COMMD10: variants seen among roughly 807,000 people sequenced by gnomAD.
COMMD10 encodes the protein COMM domain-containing protein 10.
Under a neutral mutation model 28.9 loss-of-function variants are expected in COMMD10, and 33 were observed. The observed-to-expected ratio is 1.14, with a 90% CI of 0.87 to 1.53. The LOEUF (loss-of-function observed/expected upper bound fraction) is 1.53, where lower values mean the gene tolerates loss of function less well. COMMD10 is among the 40% of genes most tolerant of loss of function. The pLI, the probability that COMMD10 is intolerant of heterozygous loss-of-function variation, is 0.00. For synonymous variants in COMMD10, 110 were observed against 81.7 expected, an observed-to-expected ratio of 1.35 and a Z score of -1.87; for missense variants, 310 against 233.4, an observed-to-expected ratio of 1.33 and a Z score of -2.14.
intron 5 of COMMD10, among the ~76,000 whole-genome samples, chr5:116,138,780 C>G (rs1752109891): frequency 6.6e-6 from 1 of 151,692 alleles, no homozygotes; most frequent in African/African-American, 2.4e-5. Context: ...TACTAGTTTT[C>G]TGACTTAGAG....
At chr5:116,191,784 A>T (rs567689860) in intron 5 of COMMD10, among the ~76,000 whole-genome samples, 2 of 152,088 alleles carry the variant, frequency 1.3e-5, no homozygotes, top group East Asian at 3.9e-4. Flanking sequence ...TCTCTGCACT[A>T]CTACAGCTGA....
intron 5 of COMMD10, among the ~76,000 whole-genome samples, chr5:116,191,267 C>A (rs554064198): frequency 7.9e-5 from 12 of 152,176 alleles, no homozygotes; most frequent in African/African-American, 2.9e-4. Context: ...AACTTTGTAA[C>A]AATTTGAATG....
At chr5:116,201,593 A>G (rs1162256066) in intron 5 of COMMD10, among the ~76,000 whole-genome samples, 1 of 152,102 alleles carries the variant, frequency 6.6e-6, no homozygotes, top group Non-Finnish European at 1.5e-5. Flanking sequence ...TATGGATCCG[A>G]GAAGAATCGT....
chr5:116,213,212 A>G (rs1301038173), intron 5 of COMMD10, among the ~76,000 whole-genome samples: 6 of 152,142 alleles, frequency 3.9e-5, no homozygotes, highest in African/African-American at 1.2e-4. Flanking sequence ...GAATATATTA[A>G]TGATTACTAC....
At chr5:116,089,363 C>T (rs1750223436) in intron 2 of COMMD10, among the ~76,000 whole-genome samples, 2 of 152,176 alleles carry the variant, frequency 1.3e-5, no homozygotes, top group Admixed American at 6.5e-5. Context: ...CCTTATTACA[C>T]GAAACCTCAG....
chr5:116,183,512 T>C (rs1193142659), intron 5 of COMMD10, among the ~76,000 whole-genome samples: 2 of 152,092 alleles, frequency 1.3e-5, no homozygotes, highest in Non-Finnish European at 2.9e-5. Flanking sequence ...CATATCCTTA[T>C]GAAAGTGAAT....
At chr5:116,167,135 C>T (rs577460488) in intron 5 of COMMD10, among the ~76,000 whole-genome samples, 1 of 151,582 alleles carries the variant, frequency 6.6e-6, no homozygotes, top group African/African-American at 2.4e-5. Flanking sequence ...ATTAAAATAA[C>T]CAGTTTAGAG....
intron 5 of COMMD10, among the ~76,000 whole-genome samples, chr5:116,229,906 C>T (rs978080725): frequency 6.6e-6 from 1 of 151,532 alleles, no homozygotes; most frequent in Non-Finnish European, 1.5e-5. Flanking sequence ...TTTTATTTAT[C>T]GTCCTTTATT....
intron 5 of COMMD10, among the ~76,000 whole-genome samples, chr5:116,258,818 C>T (rs1323640316): frequency 2.0e-5 from 3 of 151,548 alleles, no homozygotes; most frequent in African/African-American, 7.3e-5. Context: ...TCTGCCTCTC[C>T]CTGCACCTCT....
intron 5 of COMMD10, among the ~76,000 whole-genome samples, chr5:116,152,058 C>G (rs1324087632): frequency 1.3e-5 from 2 of 152,136 alleles, no homozygotes; most frequent in African/African-American, 2.4e-5. Flanking sequence ...TATGTTGTGT[C>G]TTTGTTCTCA....
At chr5:116,180,127 T>G (rs1246978842) in intron 5 of COMMD10, among the ~76,000 whole-genome samples, 1 of 152,100 alleles carries the variant, frequency 6.6e-6, no homozygotes, top group African/African-American at 2.4e-5. Context: ...AATACTGAAA[T>G]TTTTGAATTT....
chr5:116,155,308 T>C (rs1160395446), intron 5 of COMMD10, among the ~76,000 whole-genome samples: 1 of 152,090 alleles, frequency 6.6e-6, no homozygotes, highest in African/African-American at 2.4e-5. Flanking sequence ...ACTGATGACT[T>C]GGGTTGTTTG....
intron 4 of COMMD10, among the ~76,000 whole-genome samples, chr5:116,102,498 C>T (rs1191568842): frequency 6.6e-6 from 1 of 151,986 alleles, no homozygotes; most frequent in African/African-American, 2.4e-5. Context: ...GTAAGGCCTC[C>T]AGGTTTGTTC....
intron 5 of COMMD10, among the ~76,000 whole-genome samples, chr5:116,282,259 C>T (rs1470177692): frequency 6.6e-6 from 1 of 151,826 alleles, no homozygotes; most frequent in East Asian, 1.9e-4. Flanking sequence ...TCTCATCTAC[C>T]TCTAAACATT....
intron 4 of COMMD10, among the ~76,000 whole-genome samples, chr5:116,095,510 T>C (rs1462484602): frequency 2.6e-5 from 4 of 152,180 alleles, no homozygotes; most frequent in African/African-American, 9.7e-5. Flanking sequence ...TCAAGGAGCA[T>C]CTGTATATTC....
intron 5 of COMMD10, among the ~76,000 whole-genome samples, chr5:116,177,627 A>G (rs959367331): frequency 2.6e-5 from 4 of 151,654 alleles, no homozygotes; most frequent in African/African-American, 9.7e-5. Context: ...CATCCTAGGA[A>G]CTTTCTGTAT....
At chr5:116,096,007 T>C (rs1045504456) in intron 4 of COMMD10, among the ~76,000 whole-genome samples, 16 of 152,150 alleles carry the variant, frequency 1.1e-4, no homozygotes, top group Non-Finnish European at 2.4e-4. Context: ...TTAATTATTA[T>C]AGCTTAATAG....
At chr5:116,270,177 A>G (rs1269780203) in intron 5 of COMMD10, among the ~76,000 whole-genome samples, 1 of 151,788 alleles carries the variant, frequency 6.6e-6, no homozygotes, top group African/African-American at 2.4e-5. Flanking sequence ...AGGGAAGGAG[A>G]TGGGATGAAT....
At chr5:116,102,160 C>G (rs956161646) in intron 4 of COMMD10, among the ~76,000 whole-genome samples, 14 of 152,250 alleles carry the variant, frequency 9.2e-5, no homozygotes, top group Non-Finnish European at 1.3e-4. Context: ...AGAGTTTTCG[C>G]TAGGTTTCTT....
Sources: gnomAD v4.1 joint callset for allele counts (sites outside exome capture counted in the v4.1 genomes callset) on GRCh38, gnomAD v4.1.1 for gene constraint, MANE v1.5 for transcripts, NCBI Gene and HGNC (gene_info 2026-07-23, HGNC 2026-07-21) for gene names.